Variants in PCDHA3 observed in about 807,000 individuals in gnomAD.
PCDHA3 encodes the protein protocadherin alpha-3.
Under a neutral mutation model 62.2 loss-of-function variants are expected in PCDHA3, and 41 were observed. The ratio of observed to expected loss-of-function variants is 0.66; its 90% CI spans 0.51 to 0.86. The LOEUF (loss-of-function observed/expected upper bound fraction) is 0.86, where lower values mean the gene tolerates loss of function less well. PCDHA3 is among the 40% of genes least tolerant of loss of function. The pLI, the probability that PCDHA3 is intolerant of heterozygous loss-of-function variation, is 0.00. For synonymous variants in PCDHA3, 640 were observed against 555.4 expected, an observed-to-expected ratio of 1.15 and a Z score of -2.14; for missense variants, 1,304 against 1,241.2, an observed-to-expected ratio of 1.05 and a Z score of -0.76.
At position 140,954,715 on chromosome 5, in the gene PCDHA3, G is replaced by A. The variant is rs189929573; in HGVS notation, c.2395-24234G>A. Among the ~76,000 whole-genome samples, 246 of 152,208 alleles carry A rather than the reference G, an allele frequency of 1.6e-3. 8 individuals carry two copies. Among genetic ancestry groups the A allele is most frequent in the Middle Eastern group, 3.4e-3 (1 of 294 alleles). ...GACTACAAAATTTTTCTCCCATTCT[G>A]TAGGTTGTCTTTTCACTCTGATGAT... On this transcript the variant is annotated intron_variant, in intron 1 of 3. Coordinates refer to ENST00000522353, the MANE Select transcript of PCDHA3 (RefSeq NM_018906.3).
intron 1 of PCDHA3, chr5:140,878,049 A>G (rs1365340256): frequency 2.1e-6 from 1 of 479,780 alleles, no homozygotes; most frequent in African/African-American, 2.0e-5. Flanking sequence ...GCCATGGAGC[A>G]CCACACTTAA....
At chr5:140,922,548 G>T (rs2080883425) in intron 1 of PCDHA3, among the ~76,000 whole-genome samples, 2 of 152,172 alleles carry the variant, frequency 1.3e-5, no homozygotes, top group Non-Finnish European at 2.9e-5. Flanking sequence ...GCAAGGTAAG[G>T]AGAAAAGTCA....
At chr5:140,829,720 G>A (rs1554132185) in intron 1 of PCDHA3, 5 of 1,613,502 alleles carry the variant, frequency 3.1e-6, no homozygotes, top group African/African-American at 1.3e-5. Context: ...CGGGCGTGCC[G>A]CCTCTGGGCA....
chr5:141,011,852 A>T lies in PCDHA3; in HGVS notation c.*1915A>T, dbSNP rs1288551420. 1 of 153,718 alleles carries T rather than the reference A, an allele frequency of 6.5e-6. No individual in the cohort carries two copies. The highest frequency in any genetic ancestry group is 1.5e-5 in the Non-Finnish European group (1 of 68,038). 9.5% of individuals were successfully genotyped at this position (153,718 alleles called of 1,614,324 possible). A position where few individuals can be genotyped will look rare whatever the true frequency, so the allele number is the denominator to read the frequency against. ...CTGTCACCTTAAATAAGACATTTTA[A>T]TTTTGTTATAATGTACAATTTAGAA... On this transcript the variant is annotated 3_prime_UTR_variant, in exon 4 of 4. Transcript: ENST00000522353.
chr5:140,815,318 T>C (rs909409107), intron 1 of PCDHA3: 1 of 152,164 alleles, frequency 6.6e-6, no homozygotes, highest in African/African-American at 2.4e-5. Context: ...TGTAATGCTA[T>C]GTTTTTGTTC....
At chr5:140,835,310 T>C in intron 1 of PCDHA3, 1 of 1,613,100 alleles carries the variant, frequency 6.2e-7, no homozygotes, top group Non-Finnish European at 8.5e-7. Context: ...GACATATGGA[T>C]TTTGAAGAAA....
At chr5:140,928,489 C>A in intron 1 of PCDHA3, 1 of 1,614,152 alleles carries the variant, frequency 6.2e-7, no homozygotes. Context: ...TGGTGGCATT[C>A]CTCCCAGAAG....
intron 1 of PCDHA3, chr5:140,834,353 G>A: frequency 6.5e-7 from 1 of 1,537,316 alleles, no homozygotes; most frequent in South Asian, 1.3e-5. Context: ...GGCAAGTTTT[G>A]CTGACTAGAA....
intron 3 of PCDHA3, among the ~76,000 whole-genome samples, chr5:140,993,462 TCA>T (rs3836747): frequency 0.093 from 13,122 of 140,864 alleles, 629 homozygotes; most frequent in African/African-American, 0.12. Flanking sequence ...TCTTTCTTTC[TCA>T]CACACACACA....
intron 1 of PCDHA3, chr5:140,828,723 T>G (rs1554131483): frequency 7.4e-6 from 12 of 1,614,088 alleles, no homozygotes; most frequent in Admixed American, 1.7e-5. Flanking sequence ...CACAACTTAT[T>G]CCTGACAGCC....
rs74520967 is a variant in PCDHA3 at position 140,931,074 on chromosome 5, G to A, written c.2395-47875G>A. Among the ~76,000 whole-genome samples, 869 of 152,264 alleles carry A rather than the reference G, an allele frequency of 5.7e-3. 7 individuals are homozygous for A. The highest frequency in any genetic ancestry group is 0.018 in the African/African-American group (768 of 41,552). ...ATGCTGTGTCTGGGACTAAGTATGAGTCCAGTTCTACAGATGACAAAGGAA... is the reference window on the plus strand; with the variant it reads ...ATGCTGTGTCTGGGACTAAGTATGAATCCAGTTCTACAGATGACAAAGGAA... On this transcript the variant is annotated intron_variant, in intron 1 of 3. Coordinates refer to ENST00000522353, the MANE Select transcript of PCDHA3 (RefSeq NM_018906.3).
At chr5:140,852,040 G>A (rs2150280605) in intron 1 of PCDHA3, 1 of 922,330 alleles carries the variant, frequency 1.1e-6, no homozygotes, top group Admixed American at 6.3e-5. Flanking sequence ...TTGAGTTTTT[G>A]TTATGTGGTT....
chr5:140,992,847 A>G (rs183404145), intron 3 of PCDHA3, among the ~76,000 whole-genome samples: 1 of 152,264 alleles, frequency 6.6e-6, no homozygotes, highest in East Asian at 1.9e-4. Flanking sequence ...TTGTATAACA[A>G]CCAGTTTCAC....
At chr5:140,809,474 G>C in intron 1 of PCDHA3, 1 of 1,614,228 alleles carries the variant, frequency 6.2e-7, no homozygotes, top group East Asian at 2.2e-5. Context: ...CTCTGGTGAG[G>C]GCCCACCCAA....
intron 1 of PCDHA3, among the ~76,000 whole-genome samples, chr5:140,974,318 A>G (rs2096622244): frequency 6.6e-6 from 1 of 152,206 alleles, no homozygotes; most frequent in Admixed American, 6.5e-5. Context: ...GTGAGAGAGT[A>G]GCTGCTGTGC....
Position 140,968,052 on chromosome 5 carries a change from G to A in PCDHA3, c.2395-10897G>A, listed in dbSNP as rs990784546. ...CTGGTGGTGAGCGGCCCACTGGACC[G>A]AGAGCGGGTGGCTGTCTACAACATC... On this transcript the variant is annotated intron_variant, in intron 1 of 3. Transcript: ENST00000522353. The A allele has an allele frequency of 5.0e-6, 8 of 1,614,014 alleles. No homozygotes were observed. In the Admixed American group the frequency reaches 5.0e-5, roughly 10 times the overall value.
intron 1 of PCDHA3, chr5:140,807,158 T>G: frequency 3.1e-6 from 5 of 1,590,660 alleles, no homozygotes; most frequent in Non-Finnish European, 4.3e-6. Flanking sequence ...GAAACGATAT[T>G]TAATCAGAAC....
At chr5:140,953,331 A>G (rs2153698892) in intron 1 of PCDHA3, among the ~76,000 whole-genome samples, 1 of 152,248 alleles carries the variant, frequency 6.6e-6, no homozygotes, top group South Asian at 2.1e-4. Flanking sequence ...CATAGAATTT[A>G]GGGCTCACCT....
intron 1 of PCDHA3, among the ~76,000 whole-genome samples, chr5:140,900,565 C>T (rs368765128): frequency 1.2e-4 from 19 of 152,248 alleles, no homozygotes; most frequent in South Asian, 1.2e-3. Context: ...GCGTGAGCCA[C>T]GGCACCGGCC....
Sources: gnomAD v4.1 joint callset for allele counts (sites outside exome capture counted in the v4.1 genomes callset) on GRCh38, gnomAD v4.1.1 for gene constraint, MANE v1.5 for transcripts, NCBI Gene and HGNC (gene_info 2026-07-23, HGNC 2026-07-21) for gene names.